STXBP4: variants seen among roughly 807,000 people sequenced by gnomAD.
STXBP4 encodes syntaxin-binding protein 4.
STXBP4 carries 55 observed loss-of-function variants against 76.1 expected under a neutral mutation model. The observed-to-expected ratio is 0.72, with a 90% CI of 0.58 to 0.91. The LOEUF (loss-of-function observed/expected upper bound fraction) is 0.91, where lower values mean the gene tolerates loss of function less well. Ranked by LOEUF, STXBP4 falls within the 40% of genes least tolerant of loss-of-function variation. The pLI, the probability that STXBP4 is intolerant of heterozygous loss-of-function variation, is 0.00. For synonymous variants in STXBP4, 201 were observed against 220.2 expected, an observed-to-expected ratio of 0.91 and a Z score of 0.77; for missense variants, 618 against 636.9, an observed-to-expected ratio of 0.97 and a Z score of 0.32.
intron 16 of STXBP4, among the ~76,000 whole-genome samples, chr17:55,114,648 C>T (rs2079760729): frequency 6.6e-6 from 1 of 152,068 alleles, no homozygotes; most frequent in Admixed American, 6.6e-5. Flanking sequence ...AAAGGCTTAA[C>T]ATTTAAGTAT....
Position 54,999,635 on chromosome 17 carries a change from A to G in STXBP4, c.291A>G (p.Leu97=). 2 of 1,612,822 alleles carry G rather than the reference A, an allele frequency of 1.2e-6. No individual in the cohort carries two copies. The highest frequency in any genetic ancestry group is 1.7e-6 in the Non-Finnish European group (2 of 1,179,288). The change falls in exon 6 of 18, where the codon TTA becomes TTG. Residue 97 remains leucine (L), a synonymous_variant. Coordinates refer to ENST00000376352, the MANE Select transcript of STXBP4 (RefSeq NM_178509.6). ...KSIITGAKLR[L]ESAWEIAFIR... ...AGTGATTTCTTTTTAGTACTAGGTT[A>G]GAATCTGCTTGGGAGATAGCATTCA...
intron 16 of STXBP4, among the ~76,000 whole-genome samples, chr17:55,093,566 G>A (rs2079445312): frequency 6.6e-6 from 1 of 152,160 alleles, no homozygotes; most frequent in African/African-American, 2.4e-5. Flanking sequence ...CAAGGAAATG[G>A]CGAACTCACA....
chr17:55,142,705 A>C (rs1411494021), intron 17 of STXBP4, among the ~76,000 whole-genome samples: 3 of 152,206 alleles, frequency 2.0e-5, no homozygotes, highest in African/African-American at 7.2e-5. Flanking sequence ...ATTTGAAAAA[A>C]TTTAAGGAAA....
chr17:55,176,940 C>T (rs1164118116), downstream of STXBP4, among the ~76,000 whole-genome samples: 2 of 152,060 alleles, frequency 1.3e-5, no homozygotes, highest in Non-Finnish European at 2.9e-5. Context: ...CTCACCCTAT[C>T]CCCACCTCCC....
intron 16 of STXBP4, 88 bp downstream of exon 16, chr17:55,081,271 C>T (rs1163644948): frequency 1.8e-6 from 2 of 1,097,192 alleles, no homozygotes; most frequent in African/African-American, 1.6e-5. Context: ...GTTATAGTGG[C>T]TTGCCTACAG....
chr17:55,018,703 G>A lies in STXBP4; in HGVS notation c.666+11106G>A, dbSNP rs189038783. ...GATAGGCGGTGGAGTTAAGAGCAAT[G>A]TTTTGGGGGCAGGGGGTGGATCTCA... On this transcript the variant is annotated intron_variant, in intron 8 of 17. Coordinates refer to ENST00000376352, the MANE Select transcript of STXBP4 (RefSeq NM_178509.6). Among the ~76,000 whole-genome samples, 499 of 152,234 alleles carry A rather than the reference G, an allele frequency of 3.3e-3. 2 individuals carry two copies. Among genetic ancestry groups the A allele is most frequent in the African/African-American group, 0.011 (465 of 41,536 alleles).
At chr17:55,174,685 A>G (rs886656405), downstream of STXBP4, among the ~76,000 whole-genome samples, 4 of 152,076 alleles carry the variant, frequency 2.6e-5, no homozygotes, top group Non-Finnish European at 5.9e-5. Context: ...ACTTCCCTGC[A>G]CCTCAGGTTC....
At chr17:55,122,498 T>A (rs2145094471) in intron 16 of STXBP4, among the ~76,000 whole-genome samples, 1 of 152,292 alleles carries the variant, frequency 6.6e-6, no homozygotes, top group Non-Finnish European at 1.5e-5. Context: ...ATTGTACAAA[T>A]GCAGAGATAA....
intron 16 of STXBP4, among the ~76,000 whole-genome samples, chr17:55,116,352 A>G (rs750642874): frequency 3.3e-5 from 5 of 151,818 alleles, no homozygotes; most frequent in Non-Finnish European, 7.4e-5. Flanking sequence ...TATCACATTC[A>G]GAAAACTACA....
the STXBP4 span, among the ~76,000 whole-genome samples, chr17:55,200,699 T>C: frequency 6.6e-6 from 1 of 152,196 alleles, no homozygotes; most frequent in African/African-American, 2.4e-5. Flanking sequence ...CGCTACTCTT[T>C]GCCAAAGTCT....
At chr17:55,126,258 A>C (rs935619263) in intron 16 of STXBP4, among the ~76,000 whole-genome samples, 1 of 152,196 alleles carries the variant, frequency 6.6e-6, no homozygotes, top group Non-Finnish European at 1.5e-5. Context: ...CAGTCAACAG[A>C]TGCCAACCTC....
chr17:55,137,555 G>A (rs149590918), intron 16 of STXBP4, among the ~76,000 whole-genome samples: 24 of 152,140 alleles, frequency 1.6e-4, no homozygotes, highest in African/African-American at 3.6e-4. Flanking sequence ...TATGGAGATC[G>A]TTCAACATAG....
At chr17:55,085,175 A>G (rs2079308998) in intron 16 of STXBP4, among the ~76,000 whole-genome samples, 1 of 142,138 alleles carries the variant, frequency 7.0e-6, no homozygotes, top group South Asian at 2.4e-4. Context: ...ACATGGACAC[A>G]GGAAGGGGAA....
rs1056436481 is a variant in STXBP4 at position 54,984,188 on chromosome 17, C to T, written c.-156-1426C>T. ...GTTTGGGGCCCATTCAGTTAATTTA[C>T]GGAAGAATCTATGATTTCTTCTGCA... On this transcript the variant is annotated intron_variant, in intron 1 of 17. Coordinates refer to ENST00000376352, the MANE Select transcript of STXBP4 (RefSeq NM_178509.6). Among the ~76,000 whole-genome samples the T allele has an allele frequency of 7.2e-5, 11 of 152,094 alleles. No homozygotes were observed. The East Asian group carries it at 1.7e-3, about 24-fold the overall frequency.
chr17:54,999,754 T>C lies in STXBP4; in HGVS notation c.410T>C (p.Leu137Ser). 1 of 1,613,514 alleles carries C rather than the reference T, an allele frequency of 6.2e-7. No individual in the cohort carries two copies. The highest frequency in any genetic ancestry group is 8.5e-7 in the Non-Finnish European group (1 of 1,179,652). The change falls in exon 6 of 18, where the codon TTA (leucine) becomes TCA (serine). Residue 137 changes from leucine to serine, a missense_variant. Coordinates refer to ENST00000376352, the MANE Select transcript of STXBP4 (RefSeq NM_178509.6). ...GAATATGGACCTCAAGCCTCAACAT[T>C]AAGTCTTTTTTCTTCTCCTCCTGAA... ...SGEYGPQAST[L>S]SLFSSPPEIL...
In STXBP4 at chr17:55,072,899, G is replaced by A. The variant is rs776730578; in HGVS notation, c.1012-1G>A. ...AATGACATTAATTTTGAAATCTTTA[G>A]GAAGCCAAAGCTGTAGTTGAAGAAA... On this transcript the variant is annotated splice_acceptor_variant, in intron 12 of 17. Coordinates refer to ENST00000376352, the MANE Select transcript of STXBP4 (RefSeq NM_178509.6). LOFTEE classifies it high-confidence loss of function. 6.3e-7 allele frequency: 1 copy of A among 1,584,324 alleles called. No homozygotes were observed. Among genetic ancestry groups the A allele is most frequent in the African/African-American group, 1.4e-5 (1 of 73,288 alleles).
At chr17:55,043,821 T>G in intron 11 of STXBP4, 1 of 601,916 alleles carries the variant, frequency 1.7e-6, no homozygotes. Flanking sequence ...TCTTCTCTTT[T>G]TTTGTTTGTT....
intron 16 of STXBP4, among the ~76,000 whole-genome samples, chr17:55,120,339 A>C (rs1233133866): frequency 1.3e-5 from 2 of 152,224 alleles, no homozygotes; most frequent in Non-Finnish European, 2.9e-5. Context: ...TCACGTTCAC[A>C]CAAATGTTGG....
At chr17:55,036,832 A>G (rs1054434835) in intron 10 of STXBP4, among the ~76,000 whole-genome samples, 5 of 152,140 alleles carry the variant, frequency 3.3e-5, no homozygotes, top group Non-Finnish European at 5.9e-5. Context: ...TTCAAGTGAT[A>G]TGCTTTACTG....
Sources: gnomAD v4.1 joint callset for allele counts (sites outside exome capture counted in the v4.1 genomes callset) on GRCh38, gnomAD v4.1.1 for gene constraint, MANE v1.5 for transcripts, NCBI Gene and HGNC (gene_info 2026-07-23, HGNC 2026-07-21) for gene names.